Variants in QTMAN observed in about 807,000 individuals in gnomAD.
The protein encoded by QTMAN is queuosine-tRNA mannosyltransferase, also known as tRNA-queuosine alpha-mannosyltransferase.
the QTMAN span, among the ~76,000 whole-genome samples, chr2:144,069,061 GA>G: frequency 6.6e-6 from 1 of 151,962 alleles, no homozygotes; most frequent in African/African-American, 2.4e-5. Context: ...TTTAAATATG[GA>G]AAGTACGGCT....
chr2:144,234,910 T>G, the QTMAN span, among the ~76,000 whole-genome samples: 1 of 152,186 alleles, frequency 6.6e-6, no homozygotes, highest in Non-Finnish European at 1.5e-5. Context: ...CTTCTCTTAT[T>G]ATTCAAATTA....
At chr2:144,251,268 A>G in the QTMAN span, among the ~76,000 whole-genome samples, 1 of 152,210 alleles carries the variant, frequency 6.6e-6, no homozygotes, top group Non-Finnish European at 1.5e-5. Flanking sequence ...TTAGTTTACT[A>G]ATTATTATTT....
chr2:144,294,606 G>C, the QTMAN span: 1 of 151,676 alleles, frequency 6.6e-6, no homozygotes, highest in Admixed American at 6.6e-5. Flanking sequence ...GTTTCATTTT[G>C]TGTGTGTGTA....
At chr2:144,083,784 C>T in the QTMAN span, among the ~76,000 whole-genome samples, 2 of 145,384 alleles carry the variant, frequency 1.4e-5, no homozygotes, top group African/African-American at 5.6e-5. Context: ...CATCAAGGAA[C>T]CTCGCCTCAC....
the QTMAN span, among the ~76,000 whole-genome samples, chr2:144,281,707 G>C: frequency 1.3e-5 from 2 of 152,144 alleles, no homozygotes; most frequent in African/African-American, 4.8e-5. Flanking sequence ...CCTTATGAGA[G>C]GAACTTAGCA....
chr2:144,134,811 A>G, the QTMAN span, among the ~76,000 whole-genome samples: 2 of 152,130 alleles, frequency 1.3e-5, no homozygotes, highest in Non-Finnish European at 2.9e-5. Context: ...GCATCCATTC[A>G]TCTCCTCATT....
chr2:144,105,135 G>A, the QTMAN span, among the ~76,000 whole-genome samples: 5 of 152,268 alleles, frequency 3.3e-5, no homozygotes, highest in Non-Finnish European at 5.9e-5. Flanking sequence ...ATCGAAGGTA[G>A]ATAAAACCAC....
At chr2:144,207,443 G>C in the QTMAN span, among the ~76,000 whole-genome samples, 1 of 152,132 alleles carries the variant, frequency 6.6e-6, no homozygotes, top group Non-Finnish European at 1.5e-5. Flanking sequence ...GATGGGTAGA[G>C]GTACTGGAGG....
chr2:144,198,199 T>C, the QTMAN span, among the ~76,000 whole-genome samples: 1 of 151,862 alleles, frequency 6.6e-6, no homozygotes, highest in Non-Finnish European at 1.5e-5. Flanking sequence ...TATACTCCAA[T>C]AGAGCAAGAC....
chr2:144,315,658 G>A, the QTMAN span, among the ~76,000 whole-genome samples: 1 of 152,090 alleles, frequency 6.6e-6, no homozygotes, highest in Non-Finnish European at 1.5e-5. Context: ...AAACTTTCTA[G>A]GACTATTGTA....
At chr2:144,137,273 T>C in the QTMAN span, among the ~76,000 whole-genome samples, 1 of 152,174 alleles carries the variant, frequency 6.6e-6, no homozygotes, top group East Asian at 1.9e-4. Flanking sequence ...ATCACAGTCA[T>C]CCTTTTGATG....
the QTMAN span, among the ~76,000 whole-genome samples, chr2:144,092,418 G>A: frequency 1.1e-4 from 16 of 151,950 alleles, no homozygotes; most frequent in East Asian, 1.9e-4. Flanking sequence ...CTTGTGATCC[G>A]CCCACCTCGG....
the QTMAN span, among the ~76,000 whole-genome samples, chr2:144,262,890 AT>A: frequency 1.5e-5 from 1 of 65,920 alleles, no homozygotes; most frequent in African/African-American, 6.3e-5. Flanking sequence ...GGGAGGGGAG[AT>A]GGGAGGACAG....
chr2:144,183,132 C>T, the QTMAN span, among the ~76,000 whole-genome samples: 1 of 150,898 alleles, frequency 6.6e-6, no homozygotes, highest in Non-Finnish European at 1.5e-5. Context: ...TTTCAGCCTA[C>T]ACTCTTTTTG....
At chr2:144,269,826 G>T in the QTMAN span, among the ~76,000 whole-genome samples, 1 of 147,232 alleles carries the variant, frequency 6.8e-6, no homozygotes, top group East Asian at 2.0e-4. Flanking sequence ...TCCTCATTTA[G>T]TAAAAAAAAA....
chr2:144,016,263 T>C, the QTMAN span, among the ~76,000 whole-genome samples: 11 of 152,196 alleles, frequency 7.2e-5, no homozygotes, highest in Non-Finnish European at 1.3e-4. Context: ...TAAACTAAAC[T>C]GTGTTTACTA....
the QTMAN span, among the ~76,000 whole-genome samples, chr2:143,971,440 G>A: frequency 6.6e-6 from 1 of 152,132 alleles, no homozygotes; most frequent in African/African-American, 2.4e-5. Context: ...CTTTCATTTA[G>A]TAGAGGCTTT....
At chr2:144,330,959 G>A in the QTMAN span, among the ~76,000 whole-genome samples, 1 of 152,132 alleles carries the variant, frequency 6.6e-6, no homozygotes, top group Non-Finnish European at 1.5e-5. Context: ...TTCAAATCAA[G>A]ACTAAAGAAG....
At chr2:144,257,575 T>C in the QTMAN span, among the ~76,000 whole-genome samples, 2 of 152,160 alleles carry the variant, frequency 1.3e-5, no homozygotes. Flanking sequence ...TACTACAAAC[T>C]GAGGTGAGAC....
Sources: allele counts gnomAD v4.1 joint callset (sites outside exome capture counted in the v4.1 genomes callset), GRCh38; gene constraint gnomAD v4.1.1; transcripts MANE v1.5; gene names NCBI Gene and HGNC (gene_info 2026-07-23, HGNC 2026-07-21).